The following PHLDB2 variants were observed in gnomAD, a reference collection of about 807,000 sequenced individuals.
PHLDB2 encodes the protein pleckstrin homology-like domain family B member 2.
Under a neutral mutation model 123.6 loss-of-function variants are expected in PHLDB2, and 71 were observed. The ratio of observed to expected loss-of-function variants is 0.57; its 90% confidence interval spans 0.47 to 0.70. The LOEUF (loss-of-function observed/expected upper bound fraction) is 0.70, where lower values mean the gene tolerates loss of function less well. Ranked by LOEUF, PHLDB2 falls within the 30% of genes least tolerant of loss-of-function variation. The pLI, the probability that PHLDB2 is intolerant of heterozygous loss-of-function variation, is 0.00. For synonymous variants in PHLDB2, 547 were observed against 541.6 expected, an observed-to-expected ratio of 1.01 and a Z score of -0.14; for missense variants, 1,446 against 1,519.5, an observed-to-expected ratio of 0.95 and a Z score of 0.80.
At chr3:111,898,192 G>GTGTGTGTT (rs2066988839) in intron 2 of PHLDB2, among the ~76,000 whole-genome samples, 1 of 151,054 alleles carries the variant, frequency 6.6e-6, no homozygotes. Context: ...TTGTGTGTGT[G>GTGTGTGTT]TGTGTGTGTG....
intron 5 of PHLDB2, 86 bp from the exon 6 acceptor site, chr3:111,932,183 T>C (rs1364133178): frequency 7.2e-7 from 1 of 1,397,854 alleles, no homozygotes; most frequent in Non-Finnish European, 9.7e-7. Context: ...TATGTTTGTT[T>C]ATGTTATCCT....
At chr3:111,909,563 G>A (rs1338803174) in intron 2 of PHLDB2, among the ~76,000 whole-genome samples, 1 of 152,104 alleles carries the variant, frequency 6.6e-6, no homozygotes, top group African/African-American at 2.4e-5. Flanking sequence ...GCACCACTGT[G>A]CTCCAGCCTG....
At chr3:111,873,991 G>A (rs73228543) in intron 1 of PHLDB2, among the ~76,000 whole-genome samples, 15,425 of 152,138 alleles carry the variant, frequency 0.1, 1,050 homozygotes, top group Non-Finnish European at 0.15. Flanking sequence ...TTTAAAAAAC[G>A]GTGTTATAGA....
At chr3:111,855,524 T>C (rs7427666), upstream of PHLDB2, among the ~76,000 whole-genome samples, 8 of 126,570 alleles carry the variant, frequency 6.3e-5, no homozygotes, top group Non-Finnish European at 1.0e-4. Context: ...TTCTTTCTTC[T>C]TTCTTTCCAT....
intron 2 of PHLDB2, among the ~76,000 whole-genome samples, chr3:111,909,068 A>C (rs760972726): frequency 6.6e-6 from 1 of 152,176 alleles, no homozygotes. Flanking sequence ...ATCTCTGAGC[A>C]TACCATGATA....
chr3:111,777,698 CTTG>C (rs144296393), intron 1 of PHLDB2, among the ~76,000 whole-genome samples: 40,467 of 151,676 alleles, frequency 0.27, 6,797 homozygotes, highest in African/African-American at 0.48. Flanking sequence ...ATATTTGCAA[CTTG>C]TTGTTTGATG....
At chr3:111,964,704 T>C (rs1024597953) in intron 13 of PHLDB2, among the ~76,000 whole-genome samples, 12 of 152,132 alleles carry the variant, frequency 7.9e-5, no homozygotes, top group Non-Finnish European at 1.8e-4. Context: ...ATACCATAAA[T>C]ATATGCAAAT....
chr3:111,867,482 A>G (rs916152123), intron 1 of PHLDB2, among the ~76,000 whole-genome samples: 1 of 152,222 alleles, frequency 6.6e-6, no homozygotes, highest in Non-Finnish European at 1.5e-5. Flanking sequence ...TTATTTATAT[A>G]TGCTAATCTT....
chr3:111,779,444 T>G (rs1165645132), intron 1 of PHLDB2, among the ~76,000 whole-genome samples: 1 of 151,978 alleles, frequency 6.6e-6, no homozygotes, highest in Non-Finnish European at 1.5e-5. Flanking sequence ...GCTCCCATCT[T>G]TATGTCCATG....
chr3:111,859,554 G>A lies in PHLDB2; in HGVS notation c.-37G>A, dbSNP rs996499850. On this transcript the variant is annotated 5_prime_UTR_variant, in exon 1 of 18. Coordinates refer to ENST00000431670, the MANE Select transcript of PHLDB2 (RefSeq NM_001134438.2). ...CGCGCCTGCCTTCTCTCGCCGCCGG[G>A]AACGGGCTGCACCAATGGCCAGGTG... 2 of 985,600 alleles carry A rather than the reference G, an allele frequency of 2.0e-6. No individual in the cohort carries two copies. Among genetic ancestry groups the A allele is most frequent in the Non-Finnish European group, 2.4e-6 (2 of 830,030 alleles). The allele number at this position is 985,600 out of a possible 1,614,324, so 61.1% of individuals were successfully genotyped here. A position where few individuals can be genotyped will look rare whatever the true frequency, so the allele number is the denominator to read the frequency against.
rs1430223926 is a variant in PHLDB2 at position 111,974,616 on chromosome 3, A to T, written c.*53A>T. ...GCAGACGGCAATAATCTCTTACAAG[A>T]ATGAAGCCATATTCAACCCCAGATG... On this transcript the variant is annotated 3_prime_UTR_variant, in exon 18 of 18. Transcript: ENST00000431670. The T allele has an allele frequency of 6.6e-7, 1 of 1,508,676 alleles. No homozygotes were observed. Among genetic ancestry groups the T allele is most frequent in the Admixed American group, 2.0e-5 (1 of 49,448 alleles). 93.5% of individuals were successfully genotyped at this position (1,508,676 alleles called of 1,614,324 possible).
chr3:111,829,520 G>C (rs961481431), intron 1 of PHLDB2, among the ~76,000 whole-genome samples: 50 of 131,620 alleles, frequency 3.8e-4, no homozygotes, highest in Admixed American at 9.5e-4. Context: ...CTGGAGTACA[G>C]TGGTATGATC....
At chr3:111,914,420 CTT>C (rs1188034991) in intron 3 of PHLDB2, 3 of 152,102 alleles carry the variant, frequency 2.0e-5, no homozygotes, top group Non-Finnish European at 4.4e-5. Flanking sequence ...CCAGGTGACA[CTT>C]TGACTAAGTT....
chr3:111,837,751 T>A (rs1053800626), intron 1 of PHLDB2, among the ~76,000 whole-genome samples: 4 of 152,146 alleles, frequency 2.6e-5, no homozygotes, highest in African/African-American at 9.7e-5. Context: ...AAATACATAT[T>A]ACTGAACCTG....
At chr3:111,771,920 A>G (rs540063459) in intron 1 of PHLDB2, among the ~76,000 whole-genome samples, 4 of 152,320 alleles carry the variant, frequency 2.6e-5, no homozygotes, top group South Asian at 4.1e-4. Context: ...CATTCTTCAC[A>G]TGCTTATTTT....
At chr3:111,799,958 C>T (rs776526332) in intron 1 of PHLDB2, among the ~76,000 whole-genome samples, 3 of 152,128 alleles carry the variant, frequency 2.0e-5, no homozygotes, top group Non-Finnish European at 4.4e-5. Context: ...TGTGCAATAA[C>T]AAGAGTGTAT....
chr3:111,864,053 C>A (rs975985352), intron 1 of PHLDB2, among the ~76,000 whole-genome samples: 11 of 152,086 alleles, frequency 7.2e-5, no homozygotes, highest in Non-Finnish European at 1.6e-4. Flanking sequence ...AGACATAAAA[C>A]CTCTGAAAAG....
At chr3:111,769,364 C>T (rs1449611522) in intron 1 of PHLDB2, among the ~76,000 whole-genome samples, 4 of 152,136 alleles carry the variant, frequency 2.6e-5, no homozygotes, top group African/African-American at 9.7e-5. Flanking sequence ...CACTTGTGTC[C>T]AAACCCTTGC....
In PHLDB2 at chr3:111,758,605, A is replaced by C. The variant is rs551236092; in HGVS notation, c.-49+25902A>C. On this transcript the variant is annotated intron_variant, in intron 1 of 17. Coordinates refer to the PHLDB2 transcript ENST00000393923. ...GCTTCAGCTGGTGCAGTGTGCGCGC[A>C]CCCACTGACCTGCGCCCACTGTCTG... Among the ~76,000 whole-genome samples the C allele has an allele frequency of 2.0e-5, 3 of 152,176 alleles. No individual in the cohort carries two copies. The South Asian group carries it at 6.2e-4, about 32-fold the overall frequency.
Sources: allele counts gnomAD v4.1 joint callset (sites outside exome capture counted in the v4.1 genomes callset), GRCh38; gene constraint gnomAD v4.1.1; transcripts MANE v1.5; gene names NCBI Gene and HGNC (gene_info 2026-07-23, HGNC 2026-07-21).